GPC5: variants seen among roughly 807,000 people sequenced by gnomAD.
GPC5 encodes glypican 5, also known as glypican-5.
A neutral mutation model predicts 53.9 loss-of-function variants in GPC5; 47 were observed. The ratio of observed to expected loss-of-function variants is 0.87; its 90% CI spans 0.69 to 1.11. The LOEUF is 1.11. GPC5 is among the 50% of genes most tolerant of loss of function. The pLI, the probability that GPC5 is intolerant of heterozygous loss-of-function variation, is 0.00. For missense variants in GPC5, 748 were observed against 713.1 expected, an observed-to-expected ratio of 1.05 and a Z score of -0.56; for synonymous variants, 286 against 263.3, an observed-to-expected ratio of 1.09 and a Z score of -0.84.
intron 6 of GPC5, among the ~76,000 whole-genome samples, chr13:92,005,749 C>A (rs1460725966): frequency 6.6e-6 from 1 of 152,134 alleles, no homozygotes; most frequent in African/African-American, 2.4e-5. Flanking sequence ...AATTAGTGAT[C>A]AACAAATATC....
intron 5 of GPC5, among the ~76,000 whole-genome samples, chr13:91,758,997 C>T (rs187063680): frequency 6.6e-6 from 1 of 152,110 alleles, no homozygotes; most frequent in Middle Eastern, 3.2e-3. Flanking sequence ...CTCCTACCAC[C>T]TCTAAGGCTA....
chr13:92,719,006 T>C (rs755982270), intron 7 of GPC5, among the ~76,000 whole-genome samples: 2 of 152,124 alleles, frequency 1.3e-5, no homozygotes, highest in Non-Finnish European at 2.9e-5. Context: ...GTGATTATTA[T>C]GCATTATAAG....
At chr13:92,451,811 C>T (rs61973627) in intron 7 of GPC5, among the ~76,000 whole-genome samples, 2,041 of 152,202 alleles carry the variant, frequency 0.013, 19 homozygotes, top group Non-Finnish European at 0.02. Context: ...TCAGAAGAAA[C>T]GAAATGTACA....
chr13:92,758,322 G>C (rs953071114), intron 7 of GPC5, among the ~76,000 whole-genome samples: 1 of 138,914 alleles, frequency 7.2e-6, no homozygotes, highest in African/African-American at 2.7e-5. Context: ...TCACACTCTG[G>C]GGACTGTTGT....
intron 6 of GPC5, among the ~76,000 whole-genome samples, chr13:91,984,682 T>G (rs2040390720): frequency 6.6e-6 from 1 of 152,238 alleles, no homozygotes; most frequent in South Asian, 2.1e-4. Context: ...TGTACCTTAG[T>G]AATTTCAATA....
At chr13:92,816,022 A>G (rs986822368) in intron 7 of GPC5, among the ~76,000 whole-genome samples, 5 of 151,916 alleles carry the variant, frequency 3.3e-5, no homozygotes, top group Non-Finnish European at 4.4e-5. Flanking sequence ...AGAGCTATAA[A>G]TATAATTTGG....
chr13:92,503,073 T>TA (rs1358091876), intron 7 of GPC5, among the ~76,000 whole-genome samples: 5 of 152,072 alleles, frequency 3.3e-5, no homozygotes, highest in South Asian at 4.1e-4. Context: ...TTTCTTCTTT[T>TA]AAAAAAATCT....
chr13:91,775,774 T>A (rs950824713), intron 5 of GPC5, among the ~76,000 whole-genome samples: 3 of 152,244 alleles, frequency 2.0e-5, no homozygotes, highest in Admixed American at 6.5e-5. Context: ...GTTGTTTAGA[T>A]GTCTGTTTCT....
rs150625320 is a variant in GPC5, at chr13:92,590,018, C to T, written c.1562-276264C>T. Among the ~76,000 whole-genome samples the T allele has an allele frequency of 1.4e-4, 21 of 152,190 alleles. No individual in the cohort carries two copies. In the East Asian group the frequency reaches 3.1e-3, roughly 23 times the overall value. ...ATTAGAGGTTGTTGGGAACAGACAA[C>T]GTGCACACTAGGCAGTAGTGATGCA... On this transcript the variant is annotated intron_variant, in intron 7 of 7. Transcript: ENST00000377067.
intron 2 of GPC5, among the ~76,000 whole-genome samples, chr13:91,679,930 A>T (rs2035468514): frequency 6.6e-6 from 1 of 152,038 alleles, no homozygotes; most frequent in African/African-American, 2.4e-5. Context: ...TTTTTTCTGA[A>T]TACCATTTTT....
At chr13:92,817,289 C>T (rs1227437373) in intron 7 of GPC5, among the ~76,000 whole-genome samples, 1 of 151,992 alleles carries the variant, frequency 6.6e-6, no homozygotes, top group African/African-American at 2.4e-5. Flanking sequence ...ATCTACAATT[C>T]TGCAGCAGGA....
intron 6 of GPC5, among the ~76,000 whole-genome samples, chr13:92,099,224 T>C (rs2041445880): frequency 6.6e-6 from 1 of 152,156 alleles, no homozygotes; most frequent in Admixed American, 6.5e-5. Flanking sequence ...CTCAAAATAT[T>C]TGCATGCCCT....
chr13:92,266,729 T>C (rs2042804892), intron 7 of GPC5, among the ~76,000 whole-genome samples: 1 of 152,318 alleles, frequency 6.6e-6, no homozygotes, highest in African/African-American at 2.4e-5. Context: ...CAAATATCAT[T>C]AGCAGAAATA....
At chr13:92,197,664 AT>A (rs10710747) in intron 7 of GPC5, among the ~76,000 whole-genome samples, 105,722 of 142,016 alleles carry the variant, frequency 0.74, 39,360 homozygotes, top group East Asian at 0.97. Context: ...CATCTGGCTA[AT>A]TTTTTTTTTT....
chr13:91,732,996 G>T (rs945256240), intron 4 of GPC5, among the ~76,000 whole-genome samples: 9 of 152,072 alleles, frequency 5.9e-5, no homozygotes, highest in African/African-American at 1.9e-4. Flanking sequence ...GATTGTCTTG[G>T]CTATACGGGC....
At chr13:92,467,478 T>A (rs1478730191) in intron 7 of GPC5, among the ~76,000 whole-genome samples, 1 of 152,150 alleles carries the variant, frequency 6.6e-6, no homozygotes, top group Non-Finnish European at 1.5e-5. Flanking sequence ...ATGTTCTAAT[T>A]GATGCAAATA....
intron 7 of GPC5, among the ~76,000 whole-genome samples, chr13:92,644,828 G>C (rs866573680): frequency 1.3e-5 from 2 of 151,880 alleles, no homozygotes; most frequent in Non-Finnish European, 2.9e-5. Flanking sequence ...ATTGTGCATA[G>C]TGCTGGGAGT....
At chr13:91,732,374 G>GTT (rs1162888019) in intron 4 of GPC5, among the ~76,000 whole-genome samples, 13 of 142,392 alleles carry the variant, frequency 9.1e-5, no homozygotes, top group Non-Finnish European at 9.3e-5. Flanking sequence ...ACTTTTTGAT[G>GTT]TTTTTTTTTT....
At chr13:92,770,532 C>T (rs185204878) in intron 7 of GPC5, among the ~76,000 whole-genome samples, 1 of 152,064 alleles carries the variant, frequency 6.6e-6, no homozygotes, top group East Asian at 1.9e-4. Flanking sequence ...TCTTAGCTGA[C>T]CTTCTTTTAT....
Sources: allele counts gnomAD v4.1 joint callset (sites outside exome capture counted in the v4.1 genomes callset), GRCh38; gene constraint gnomAD v4.1.1; transcripts MANE v1.5; gene names NCBI Gene and HGNC (gene_info 2026-07-23, HGNC 2026-07-21).